C12orf54: variants seen among roughly 807,000 people sequenced by gnomAD.
C12orf54 encodes uncharacterized protein C12orf54.
A neutral mutation model predicts 26.4 loss-of-function variants in C12orf54; 24 were observed. The ratio of observed to expected loss-of-function variants is 0.91; its 90% confidence interval spans 0.66 to 1.28. The LOEUF (loss-of-function observed/expected upper bound fraction) is 1.28. Ranked by LOEUF, C12orf54 falls within the 50% of genes most tolerant of loss-of-function variation. The probability of loss-of-function intolerance (pLI) is 0.00; values close to 1 mark genes in which losing one functional copy is unlikely to be tolerated. For missense variants in C12orf54, 154 were observed against 150.9 expected, an observed-to-expected ratio of 1.02 and a Z score of -0.11; for synonymous variants, 54 against 47.0, an observed-to-expected ratio of 1.15 and a Z score of -0.61.
the C12orf54 span, among the ~76,000 whole-genome samples, chr12:48,449,368 G>T: frequency 6.6e-6 from 1 of 152,146 alleles, no homozygotes; most frequent in Non-Finnish European, 1.5e-5. Context: ...CATGTTTTGA[G>T]GTAAAATACT....
the C12orf54 span, among the ~76,000 whole-genome samples, chr12:48,456,430 T>C: frequency 6.6e-6 from 1 of 152,092 alleles, no homozygotes; most frequent in Non-Finnish European, 1.5e-5. Flanking sequence ...GAGAAGCAAG[T>C]CTTAGAACGA....
the C12orf54 span, among the ~76,000 whole-genome samples, chr12:48,461,956 A>C: frequency 1.3e-5 from 2 of 151,688 alleles, no homozygotes; most frequent in African/African-American, 4.8e-5. Flanking sequence ...GAGATGAATA[A>C]AACTGATAAA....
At chr12:48,433,829 G>T in the C12orf54 span, among the ~76,000 whole-genome samples, 1 of 152,188 alleles carries the variant, frequency 6.6e-6, no homozygotes, top group African/African-American at 2.4e-5. Flanking sequence ...ACAGCTCCCA[G>T]CGTGAGCAAT....
the C12orf54 span, among the ~76,000 whole-genome samples, chr12:48,436,829 T>C: frequency 1.3e-5 from 2 of 151,998 alleles, no homozygotes; most frequent in South Asian, 2.1e-4. Context: ...GACATGCTAA[T>C]ATCACAATTA....
the C12orf54 span, among the ~76,000 whole-genome samples, chr12:48,454,085 T>TC: frequency 8.3e-6 from 1 of 120,378 alleles, no homozygotes. Flanking sequence ...TCTCTCTCTC[T>TC]TTTTTTGTTT....
the C12orf54 span, among the ~76,000 whole-genome samples, chr12:48,433,529 G>A: frequency 6.6e-6 from 1 of 151,326 alleles, no homozygotes; most frequent in African/African-American, 2.4e-5. Context: ...CTCACTGCAA[G>A]CTCCGCCACC....
the C12orf54 span, among the ~76,000 whole-genome samples, chr12:48,453,704 G>A: frequency 1.4e-5 from 2 of 146,840 alleles, no homozygotes; most frequent in Non-Finnish European, 3.0e-5. Context: ...TAAACCTAAG[G>A]TATCTTTTAA....
At chr12:48,457,290 G>T in the C12orf54 span, among the ~76,000 whole-genome samples, 2,453 of 147,216 alleles carry the variant, frequency 0.017, 70 homozygotes, top group African/African-American at 0.053. Context: ...GTTGTTGGTG[G>T]TGGTGGTGGT....
At chr12:48,425,384 A>G in the C12orf54 span, among the ~76,000 whole-genome samples, 1 of 152,092 alleles carries the variant, frequency 6.6e-6, no homozygotes, top group Non-Finnish European at 1.5e-5. Flanking sequence ...AGCTCCATCC[A>G]CGTTCCCACA....
At chr12:48,445,164 C>T in the C12orf54 span, among the ~76,000 whole-genome samples, 1 of 151,862 alleles carries the variant, frequency 6.6e-6, no homozygotes, top group Non-Finnish European at 1.5e-5. Context: ...CAGAGCGAGA[C>T]TCCGTCTCTT....
chr12:48,494,642 T>C (rs1363259461), intron 7 of C12orf54, among the ~76,000 whole-genome samples, 156 bp from the exon 8 acceptor site: 1 of 152,156 alleles, frequency 6.6e-6, no homozygotes, highest in African/African-American at 2.4e-5. Context: ...CTGTGAGCCA[T>C]GCATCCATCA....
At chr12:48,495,047 C>T in intron 8 of C12orf54, 68 bp downstream of exon 8, 2 of 1,178,258 alleles carry the variant, frequency 1.7e-6, no homozygotes, top group Non-Finnish European at 2.4e-6. Context: ...GGAACCCAGG[C>T]CTCTTAGGCC....
chr12:48,432,112 T>G, the C12orf54 span, among the ~76,000 whole-genome samples: 11 of 152,236 alleles, frequency 7.2e-5, no homozygotes, highest in Non-Finnish European at 1.6e-4. Context: ...ATACTCTACC[T>G]AAGTAGGCTG....
At chr12:48,466,542 C>T in the C12orf54 span, among the ~76,000 whole-genome samples, 1 of 63,738 alleles carries the variant, frequency 1.6e-5, no homozygotes, top group Admixed American at 1.2e-4. Flanking sequence ...GAAACTTTGC[C>T]TTAAAAAAAA....
the C12orf54 span, among the ~76,000 whole-genome samples, chr12:48,468,690 G>C: frequency 4.5e-3 from 685 of 152,040 alleles, 4 homozygotes; most frequent in African/African-American, 0.016. Context: ...GTGCAGGTTG[G>C]TTACATGGGT....
chr12:48,470,836 G>A, the C12orf54 span, among the ~76,000 whole-genome samples: 1 of 151,472 alleles, frequency 6.6e-6, no homozygotes, highest in South Asian at 2.1e-4. Flanking sequence ...TTAAAATTTT[G>A]TGGGTGCATA....
At chr12:48,444,037 C>G in the C12orf54 span, among the ~76,000 whole-genome samples, 1 of 152,120 alleles carries the variant, frequency 6.6e-6, no homozygotes, top group East Asian at 1.9e-4. Flanking sequence ...ATCCAGAGGT[C>G]CAGACTAATA....
chr12:48,478,007 T>C (rs1187909719), upstream of C12orf54, among the ~76,000 whole-genome samples: 1 of 152,210 alleles, frequency 6.6e-6, no homozygotes, highest in Admixed American at 6.5e-5. Flanking sequence ...AATAAAATAC[T>C]GGCAAACCGA....
chr12:48,488,864 C>T, intron 4 of C12orf54, 60 bp from the exon 5 acceptor site: 1 of 1,393,986 alleles, frequency 7.2e-7, no homozygotes, highest in South Asian at 1.2e-5. Context: ...ATGTGAAATC[C>T]CTCTGTAATA....
Sources: allele counts gnomAD v4.1 joint callset (sites outside exome capture counted in the v4.1 genomes callset), GRCh38; gene constraint gnomAD v4.1.1; transcripts MANE v1.5; gene names NCBI Gene and HGNC (gene_info 2026-07-23, HGNC 2026-07-21).